The following MDGA1 variants were observed in gnomAD, a reference collection of about 807,000 sequenced individuals.
MDGA1 encodes MAM domain-containing glycosylphosphatidylinositol anchor protein 1.
In MDGA1, 54 loss-of-function variants were observed where a neutral mutation model predicts 101.5. That is an observed-to-expected ratio of 0.53 (90% CI 0.43 to 0.67). The LOEUF is 0.67. Among genes scored for constraint, MDGA1 ranks in the 30% least tolerant of loss-of-function variants. The probability of loss-of-function intolerance (pLI) is 0.00; values close to 1 mark genes in which losing one functional copy is unlikely to be tolerated. For synonymous variants in MDGA1, 533 were observed against 558.3 expected (o/e 0.95, Z 0.64); for missense variants, 1,083 against 1,323.8 (o/e 0.82, Z 2.82).
Position 37,697,820 on chromosome 6 carries a change from C to G in MDGA1, c.-1009G>C, listed in dbSNP as rs1262540880. On this transcript the variant is annotated 5_prime_UTR_variant, in exon 1 of 17. Coordinates refer to ENST00000434837, the MANE Select transcript of MDGA1 (RefSeq NM_153487.4). ...CGGGGCCGGGCCGGGCTCCGGGGCG[C>G]GGCGGCCGCTCGGCTCCGGGCCGCG... is the stretch of plus-strand genomic sequence containing the variant. 7.4e-6 allele frequency: 1 copy of G among 135,766 alleles called. No homozygotes were observed. The highest frequency in any genetic ancestry group is 2.8e-5 in the African/African-American group (1 of 36,058). 8.4% of individuals were successfully genotyped at this position (135,766 alleles called of 1,614,324 possible). A position where few individuals can be genotyped will look rare whatever the true frequency, so the allele number is the denominator to read the frequency against.
Position 37,666,526 on chromosome 6 carries a change from CTTCT to C in MDGA1, c.68-2424_68-2421del, listed in dbSNP as rs370154526. Among the ~76,000 whole-genome samples the C allele has an allele frequency of 1.1e-3, 172 of 152,286 alleles. 1 individual carries two copies. Among genetic ancestry groups the C allele is most frequent in the African/African-American group, 3.8e-3 (158 of 41,564 alleles). ...CGTCCCATCAGTGACAGGCGCCTTC[CTTCT>C]TTATGTGTCTAGAGTATGCATCACT... On this transcript the variant is annotated intron_variant, in intron 1 of 16. Transcript: ENST00000434837.
intron 2 of MDGA1, 87 bp downstream of exon 2, chr6:37,663,880 C>T: frequency 6.8e-7 from 1 of 1,480,200 alleles, no homozygotes; most frequent in Non-Finnish European, 9.3e-7. Context: ...ATCGTGAGTC[C>T]TCATCTCCTG....
In MDGA1 at chr6:37,652,218, A is replaced by G; in HGVS notation, c.1105T>C (p.Tyr369His). 1.2e-6 allele frequency: 2 copies of G among 1,614,018 alleles called. No individual in the cohort carries two copies. The highest frequency in any genetic ancestry group is 1.7e-6 in the Non-Finnish European group (2 of 1,179,890). Residue 369 changes from tyrosine to histidine, a missense_variant, in exon 7 of 17, where the codon TAC becomes CAC. By Grantham distance (83) the Tyr-to-His change is moderately conservative. This residue lies in a region of MDGA1 where 116 missense variants were observed against 196.6 expected (regional missense o/e 0.59). Coordinates refer to ENST00000434837, the MANE Select transcript of MDGA1 (RefSeq NM_153487.4). This position sits in a 1 kb window ranked among gnomAD's most constrained non-coding sequence, Gnocchi z 4.3. The stretch of plus-strand genomic sequence containing the variant: ...GGCTTGCCATTCTTGAACCACTGGT[A>G]GGTCACCTTCTCCTGGGGCACTGCA... ...VDAVPQEKVTYQWFKNGKPAR... is the reference protein window; with the variant it reads ...VDAVPQEKVTHQWFKNGKPAR...
At chr6:37,672,829 G>C (rs1475402320) in intron 1 of MDGA1, among the ~76,000 whole-genome samples, 1 of 152,156 alleles carries the variant, frequency 6.6e-6, no homozygotes, top group East Asian at 1.9e-4. Context: ...CACTAGGGAA[G>C]CAGTAGCTAG....
intron 7 of MDGA1, among the ~76,000 whole-genome samples, chr6:37,651,329 T>G (rs1761356272): frequency 6.6e-6 from 1 of 152,194 alleles, no homozygotes; most frequent in Admixed American, 6.5e-5. Flanking sequence ...CCATTGCACA[T>G]TACATCAAAC....
chr6:37,646,087 A>C, intron 11 of MDGA1, 111 bp downstream of exon 11: 5 of 1,568,218 alleles, frequency 3.2e-6, no homozygotes, highest in Non-Finnish European at 4.4e-6. Flanking sequence ...CTGCAGTGAC[A>C]AGGTAGTACA....
In MDGA1 at chr6:37,655,971, T is replaced by G; in HGVS notation, c.383-75A>C. Reference sequence around the variant, plus strand: ...GGGGGGCTCAGGCTCCTGGCAGCCCTTAGGAAGAGCTGAGCCACCCTCAAC... The same window carrying G: ...GGGGGGCTCAGGCTCCTGGCAGCCCGTAGGAAGAGCTGAGCCACCCTCAAC... On this transcript the variant is annotated intron_variant, in intron 3 of 16. Transcript: ENST00000434837. The surrounding 1 kb of genome is among the most constrained non-coding windows in gnomAD (Gnocchi z 5.1). 5 of 1,323,968 alleles carry G rather than the reference T, an allele frequency of 3.8e-6. No homozygotes were observed. The highest frequency in any genetic ancestry group is 5.1e-6 in the Non-Finnish European group (5 of 974,606). The allele number at this position is 1,323,968 out of a possible 1,614,324, so 82.0% of individuals were successfully genotyped here.
intron 7 of MDGA1, among the ~76,000 whole-genome samples, chr6:37,651,008 G>T (rs1240487739): frequency 6.6e-6 from 1 of 152,252 alleles, no homozygotes; most frequent in East Asian, 1.9e-4. Context: ...CTGCAGAAAA[G>T]AATGCAGAAT....
chr6:37,645,615 G>A (rs890789278), intron 12 of MDGA1, among the ~76,000 whole-genome samples: 1 of 152,130 alleles, frequency 6.6e-6, no homozygotes, highest in African/African-American at 2.4e-5. Flanking sequence ...TTCTTTGGAG[G>A]TCCATGGGTC....
Position 37,655,648 on chromosome 6 carries a change from C to T in MDGA1, c.579+52G>A. ...AAAACTCAGCCCCATGCCCCCCTCC[C>T]CTGTTGGATGCAGGAGAAGTGGTAT... On this transcript the variant is annotated intron_variant, in intron 4 of 16. Coordinates refer to ENST00000434837, the MANE Select transcript of MDGA1 (RefSeq NM_153487.4). This position sits in a 1 kb window ranked among gnomAD's most constrained non-coding sequence, Gnocchi z 5.1. The T allele has an allele frequency of 7.0e-7, 1 of 1,438,470 alleles. No individual in the cohort carries two copies. The highest frequency in any genetic ancestry group is 1.4e-5 in the South Asian group (1 of 72,686). 89.1% of individuals were successfully genotyped at this position (1,438,470 alleles called of 1,614,324 possible).
rs1412841895 is a variant in MDGA1 at position 37,652,992 on chromosome 6, A to T, written c.983-652T>A. ...AGACCAATACGATCACTTTACATGC[A>T]ATTACATGAAAACACAGCATTTGGA... On this transcript the variant is annotated intron_variant, in intron 6 of 16. Coordinates refer to ENST00000434837, the MANE Select transcript of MDGA1 (RefSeq NM_153487.4). This position sits in a 1 kb window ranked among gnomAD's most constrained non-coding sequence, Gnocchi z 4.3. 6.6e-6 allele frequency among the ~76,000 whole-genome samples: 1 copy of T among 152,218 alleles called. No homozygotes were observed. Among genetic ancestry groups the T allele is most frequent in the Non-Finnish European group, 1.5e-5 (1 of 68,036 alleles).
chr6:37,641,237 G>A (rs1764069878), intron 14 of MDGA1, among the ~76,000 whole-genome samples: 2 of 152,198 alleles, frequency 1.3e-5, no homozygotes, highest in Admixed American at 1.3e-4. Flanking sequence ...TCTATCTGGT[G>A]TCACAGATGG....
chr6:37,650,425 CA>C lies in MDGA1; in HGVS notation c.1313-21del. 6.6e-7 allele frequency: 1 copy of C among 1,512,772 alleles called. No individual in the cohort carries two copies. The highest frequency in any genetic ancestry group is 8.9e-7 in the Non-Finnish European group (1 of 1,128,222). 93.7% of individuals were successfully genotyped at this position (1,512,772 alleles called of 1,614,324 possible). On this transcript the variant is annotated intron_variant, in intron 7 of 16. Transcript: ENST00000434837. ...GCGGCACTGTGGGGGTGATGGTGAT[CA>C]GCGGAGAGGTAGGAGCGGAGTTAGA...
At chr6:37,681,788 G>A (rs144381013) in intron 1 of MDGA1, among the ~76,000 whole-genome samples, 234 of 152,078 alleles carry the variant, frequency 1.5e-3, no homozygotes, top group Middle Eastern at 3.4e-3. Flanking sequence ...CAGAAGAGGA[G>A]GAGGGGACAA....
At chr6:37,694,993 C>T (rs1265141374) in intron 1 of MDGA1, among the ~76,000 whole-genome samples, 3 of 152,008 alleles carry the variant, frequency 2.0e-5, no homozygotes, top group Non-Finnish European at 4.4e-5. Flanking sequence ...AAACCCCACT[C>T]TCATTGCTGG....
rs1761518971 is a variant in MDGA1 at position 37,657,534 on chromosome 6, A to G, written c.382+711T>C. On this transcript the variant is annotated intron_variant, in intron 3 of 16. Transcript: ENST00000434837. ...CTGGCTAGCTGATGAGGGACAGAAG[A>G]GAGGTCTGGGGTGTCAGTGTTCATC... is the stretch of plus-strand genomic sequence containing the variant. 2.6e-5 allele frequency among the ~76,000 whole-genome samples: 4 copies of G among 152,344 alleles called. No homozygotes were observed. In the South Asian group the frequency reaches 8.3e-4, roughly 32 times the overall value.
intron 1 of MDGA1, among the ~76,000 whole-genome samples, chr6:37,675,168 T>C (rs909653755): frequency 6.6e-6 from 1 of 152,186 alleles, no homozygotes; most frequent in East Asian, 1.9e-4. Context: ...AGGCTTTAAA[T>C]GCAAATCTGA....
chr6:37,648,892 C>A, intron 9 of MDGA1, 90 bp downstream of exon 9: 4 of 1,465,092 alleles, frequency 2.7e-6, no homozygotes, highest in Non-Finnish European at 3.6e-6. Flanking sequence ...AGCAGGCCCA[C>A]CCAGGCAAAG....
Position 37,646,197 on chromosome 6 carries a change from C to G in MDGA1, c.2224+1G>C. 1 of 1,575,180 alleles carries G rather than the reference C, an allele frequency of 6.3e-7. No individual in the cohort carries two copies. Among genetic ancestry groups the G allele is most frequent in the Non-Finnish European group, 8.6e-7 (1 of 1,156,990 alleles). On this transcript the variant is annotated splice_donor_variant, in intron 11 of 16. Transcript: ENST00000434837. LOFTEE classifies it high-confidence loss of function. Reference sequence around the variant, plus strand: ...TTCCTACCGCCACCACTGTCACCTACGCTCTGTGTAGTGGATGATGCGGGA... The same window carrying G: ...TTCCTACCGCCACCACTGTCACCTAGGCTCTGTGTAGTGGATGATGCGGGA...
Sources: gnomAD v4.1 joint callset for allele counts (sites outside exome capture counted in the v4.1 genomes callset) on GRCh38, gnomAD v4.1.1 for gene constraint, gnomAD v4.1.1 regional missense constraint, Gnocchi (gnomAD v3.1) non-coding constraint, MANE v1.5 for transcripts, NCBI Gene and HGNC (gene_info 2026-07-23, HGNC 2026-07-21) for gene names.